ELMO1: variants seen among roughly 807,000 people sequenced by gnomAD.
ELMO1 encodes the protein engulfment and cell motility protein 1.
Under a neutral mutation model 98.9 loss-of-function variants are expected in ELMO1, and 26 were observed. The ratio of observed to expected loss-of-function variants is 0.26; its 90% confidence interval spans 0.19 to 0.36. ELMO1 has a LOEUF of 0.36. ELMO1 is among the 10% of genes least tolerant of loss of function. The pLI, the probability that ELMO1 is intolerant of heterozygous loss-of-function variation, is 1.00. For missense variants in ELMO1, 627 were observed against 935.2 expected, an observed-to-expected ratio of 0.67 and a Z score of 4.30; for synonymous variants, 346 against 346.0, an observed-to-expected ratio of 1.00 and a Z score of 0.00.
intron 4 of ELMO1, among the ~76,000 whole-genome samples, chr7:37,311,366 T>G (rs1218868623): frequency 6.6e-6 from 1 of 151,860 alleles, no homozygotes; most frequent in Non-Finnish European, 1.5e-5. Context: ...GAAGGTGATA[T>G]TCATCTTCAG....
intron 16 of ELMO1, among the ~76,000 whole-genome samples, chr7:36,995,615 T>C (rs1266362276): frequency 2.0e-5 from 3 of 152,198 alleles, no homozygotes; most frequent in African/African-American, 4.8e-5. Flanking sequence ...AACATGTTTC[T>C]GATATTTAGA....
intron 15 of ELMO1, among the ~76,000 whole-genome samples, chr7:37,094,244 G>A (rs1584633780): frequency 6.6e-6 from 1 of 152,180 alleles, no homozygotes; most frequent in African/African-American, 2.4e-5. Context: ...AGTGAGTTGT[G>A]GCAGAATGTT....
chr7:37,230,892 C>G (rs947671498), intron 8 of ELMO1, among the ~76,000 whole-genome samples: 1 of 152,192 alleles, frequency 6.6e-6, no homozygotes, highest in South Asian at 2.1e-4. Context: ...TTCCCTGCCA[C>G]CACCAAAGGT....
Position 36,914,537 on chromosome 7 carries a change from C to T in ELMO1, c.1438-19520G>A, listed in dbSNP as rs1400448855. Among the ~76,000 whole-genome samples the T allele has an allele frequency of 2.8e-5, 4 of 142,598 alleles. No homozygotes were observed. In the East Asian group the frequency reaches 6.2e-4, roughly 22 times the overall value. The allele number at this position is 142,598 out of a possible 152,430, so 93.5% of individuals were successfully genotyped here. On this transcript the variant is annotated intron_variant, in intron 16 of 21. Coordinates refer to ENST00000310758, the MANE Select transcript of ELMO1 (RefSeq NM_014800.11). ...CATTCTTTTTTTTTTTTTTTTGAGA[C>T]GGAGTCTCACTCTGTCGCCAGGCTG...
intron 1 of ELMO1, among the ~76,000 whole-genome samples, chr7:37,361,008 A>G (rs1583624552): frequency 3.3e-5 from 5 of 149,878 alleles, no homozygotes; most frequent in East Asian, 4.4e-4. Context: ...ACTTCAGTAC[A>G]CACTCATTAT....
At position 37,050,659 on chromosome 7, in the gene ELMO1, C is replaced by CAA. The variant is rs59878335; in HGVS notation, c.1301-37226_1301-37225dup. ...ACACACACACACACACACACACACA[C>CAA]AAAAGGTAACTATGTGAAATAAGCC... On this transcript the variant is annotated intron_variant, in intron 15 of 21. Coordinates refer to ENST00000310758, the MANE Select transcript of ELMO1 (RefSeq NM_014800.11). 7.1e-3 allele frequency among the ~76,000 whole-genome samples: 1,018 copies of CAA among 142,698 alleles called. 8 individuals are homozygous for CAA. Among genetic ancestry groups the CAA allele is most frequent in the African/African-American group, 0.016 (600 of 38,302 alleles). 93.6% of individuals were successfully genotyped at this position (142,698 alleles called of 152,430 possible).
At chr7:37,034,047 C>T (rs1795037970) in intron 15 of ELMO1, among the ~76,000 whole-genome samples, 1 of 152,112 alleles carries the variant, frequency 6.6e-6, no homozygotes, top group Non-Finnish European at 1.5e-5. Flanking sequence ...ACTTCTAATT[C>T]CTCACAACTT....
At position 37,122,676 on chromosome 7, in the gene ELMO1, A is replaced by G. The variant is rs146524801; in HGVS notation, c.1191+10454T>C. On this transcript the variant is annotated intron_variant, in intron 14 of 21. Transcript: ENST00000310758. ...TACAAAGAGACTTAGACTCCCACACAATAATAATGGGAGACTTTAACACCC... is the reference window on the plus strand; with the variant it reads ...TACAAAGAGACTTAGACTCCCACACGATAATAATGGGAGACTTTAACACCC... Among the ~76,000 whole-genome samples, 1,201 of 152,300 alleles carry G rather than the reference A, an allele frequency of 7.9e-3. 14 individuals carry two copies. Among genetic ancestry groups the G allele is most frequent in the African/African-American group, 0.028 (1,148 of 41,546 alleles).
At chr7:37,039,689 T>G (rs147574420) in intron 15 of ELMO1, among the ~76,000 whole-genome samples, 1 of 152,244 alleles carries the variant, frequency 6.6e-6, no homozygotes, top group African/African-American at 2.4e-5. Context: ...CTGAGGCCAG[T>G]TGACTCTATT....
At chr7:37,006,938 A>T (rs1297929850) in intron 16 of ELMO1, among the ~76,000 whole-genome samples, 1 of 152,150 alleles carries the variant, frequency 6.6e-6, no homozygotes, top group Non-Finnish European at 1.5e-5. Flanking sequence ...GACACTGGTA[A>T]GGATTGGAGA....
intron 1 of ELMO1, among the ~76,000 whole-genome samples, chr7:37,381,897 G>A (rs1001577322): frequency 8.6e-5 from 13 of 151,842 alleles, no homozygotes; most frequent in African/African-American, 2.9e-4. Flanking sequence ...TGAACAATGG[G>A]AATAAAATAT....
chr7:37,021,454 C>T (rs759208577), intron 15 of ELMO1, among the ~76,000 whole-genome samples: 1 of 151,926 alleles, frequency 6.6e-6, no homozygotes, highest in Non-Finnish European at 1.5e-5. Flanking sequence ...AAAAAAAATA[C>T]CGACTAGTGT....
At chr7:37,001,981 T>C (rs1207549036) in intron 16 of ELMO1, 1 of 152,214 alleles carries the variant, frequency 6.6e-6, no homozygotes, top group African/African-American at 2.4e-5. Context: ...GATAAGTTGG[T>C]GTAACAGTTG....
At chr7:37,166,669 G>C (rs1003567267) in intron 13 of ELMO1, among the ~76,000 whole-genome samples, 21 of 152,166 alleles carry the variant, frequency 1.4e-4, no homozygotes, top group African/African-American at 4.8e-4. Context: ...TCTTAATCCT[G>C]AGTTCTAGTT....
At chr7:37,070,323 G>A (rs997427694) in intron 15 of ELMO1, among the ~76,000 whole-genome samples, 2 of 152,138 alleles carry the variant, frequency 1.3e-5, no homozygotes, top group African/African-American at 4.8e-5. Context: ...TTAAACAGAC[G>A]AGAAGAGGAT....
chr7:37,199,664 T>C (rs1273527490), intron 13 of ELMO1, among the ~76,000 whole-genome samples: 1 of 152,194 alleles, frequency 6.6e-6, no homozygotes, highest in Non-Finnish European at 1.5e-5. Context: ...CAACAGCACA[T>C]GCCTTGCAGC....
intron 14 of ELMO1, among the ~76,000 whole-genome samples, chr7:37,104,188 G>GT (rs1315840819): frequency 1.3e-5 from 2 of 152,006 alleles, no homozygotes; most frequent in African/African-American, 4.8e-5. Flanking sequence ...ACAACAACCT[G>GT]TTGAGAAACA....
chr7:37,162,200 T>C (rs1347641550), intron 13 of ELMO1, among the ~76,000 whole-genome samples: 3 of 151,654 alleles, frequency 2.0e-5, no homozygotes, highest in African/African-American at 4.8e-5. Flanking sequence ...GCTCAAATCC[T>C]CAAATCCCCT....
chr7:37,336,703 C>T (rs1320983588), intron 2 of ELMO1, among the ~76,000 whole-genome samples: 2 of 151,932 alleles, frequency 1.3e-5, no homozygotes, highest in Non-Finnish European at 2.9e-5. Context: ...CTTTGCCGAG[C>T]GTAACCGAGA....
Sources: gnomAD v4.1 joint callset for allele counts (sites outside exome capture counted in the v4.1 genomes callset) on GRCh38, gnomAD v4.1.1 for gene constraint, MANE v1.5 for transcripts, NCBI Gene and HGNC (gene_info 2026-07-23, HGNC 2026-07-21) for gene names.